PCDH15: variants seen among roughly 807,000 people sequenced by gnomAD.
PCDH15 encodes the protein protocadherin-15.
Under a neutral mutation model 178.5 loss-of-function variants are expected in PCDH15, and 129 were observed. The ratio of observed to expected loss-of-function variants is 0.72; its 90% CI spans 0.63 to 0.84. The LOEUF (loss-of-function observed/expected upper bound fraction) is 0.84, where lower values mean the gene tolerates loss of function less well. PCDH15 is among the 40% of genes least tolerant of loss of function. The pLI is 0.00. For synonymous variants in PCDH15, 800 were observed against 732.0 expected (o/e 1.09, Z -1.50); for missense variants, 2,230 against 2,099.9 (o/e 1.06, Z -1.21).
chr10:55,233,589 A>C (rs945647298), intron 1 of PCDH15, among the ~76,000 whole-genome samples: 1 of 152,030 alleles, frequency 6.6e-6, no homozygotes, highest in Non-Finnish European at 1.5e-5. Context: ...CAAATATTTG[A>C]GTAAACTTTA....
At chr10:55,575,351 T>C (rs1842476757) in intron 2 of PCDH15, among the ~76,000 whole-genome samples, 1 of 152,128 alleles carries the variant, frequency 6.6e-6, no homozygotes, top group Non-Finnish European at 1.5e-5. Context: ...ACCGTGCAGA[T>C]TCAGTTATTG....
chr10:55,586,658 A>G (rs1306408706), intron 2 of PCDH15, among the ~76,000 whole-genome samples: 1 of 152,108 alleles, frequency 6.6e-6, no homozygotes, highest in Admixed American at 6.6e-5. Flanking sequence ...TAAGTTCATT[A>G]CTCTCATTTA....
At chr10:55,219,800 G>A (rs1266824628) in intron 1 of PCDH15, among the ~76,000 whole-genome samples, 3 of 150,516 alleles carry the variant, frequency 2.0e-5, no homozygotes, top group Non-Finnish European at 4.4e-5. Flanking sequence ...GGAAAAATAA[G>A]GAGCTGAAGA....
intron 1 of PCDH15, among the ~76,000 whole-genome samples, chr10:54,731,545 G>T (rs11004511): frequency 0.59 from 45,133 of 75,858 alleles, 13,706 homozygotes; most frequent in Non-Finnish European, 0.63. Flanking sequence ...ATGTGAGATA[G>T]ATATATATAT....
intron 3 of PCDH15, among the ~76,000 whole-genome samples, chr10:54,469,093 A>G (rs1048660564): frequency 7.2e-5 from 11 of 151,882 alleles, no homozygotes; most frequent in Admixed American, 2.0e-4. Context: ...AATTTTTAAA[A>G]TTCATGTCTT....
chr10:54,251,285 T>G (rs1400982644), intron 8 of PCDH15, among the ~76,000 whole-genome samples: 1 of 152,228 alleles, frequency 6.6e-6, no homozygotes, highest in Admixed American at 6.5e-5. Context: ...TGTCTGTGCT[T>G]TAACTGTGAT....
intron 26 of PCDH15, among the ~76,000 whole-genome samples, chr10:53,899,078 A>G (rs1206277172): frequency 6.6e-6 from 1 of 151,572 alleles, no homozygotes; most frequent in Non-Finnish European, 1.5e-5. Context: ...AACTGAAACT[A>G]AATTAGGTAT....
chr10:54,984,887 T>A (rs978173838), intron 2 of PCDH15, among the ~76,000 whole-genome samples: 3 of 152,226 alleles, frequency 2.0e-5, no homozygotes, highest in African/African-American at 7.2e-5. Context: ...GGTCTCCCAG[T>A]CCTTCAGTCT....
intron 5 of PCDH15, among the ~76,000 whole-genome samples, chr10:54,353,879 G>A (rs1256295213): frequency 6.6e-6 from 1 of 152,056 alleles, no homozygotes; most frequent in African/African-American, 2.4e-5. Flanking sequence ...AATAAAAAAA[G>A]AATTATTACT....
At chr10:54,196,665 C>T (rs2049699453) in intron 10 of PCDH15, among the ~76,000 whole-genome samples, 1 of 150,214 alleles carries the variant, frequency 6.7e-6, no homozygotes, top group Non-Finnish European at 1.5e-5. Context: ...TGCTGTTGTA[C>T]CCCCCAAATT....
chr10:54,515,116 AGACAGTGGGTGCAG>A (rs2082077236), intron 3 of PCDH15, among the ~76,000 whole-genome samples: 1 of 152,204 alleles, frequency 6.6e-6, no homozygotes, highest in African/African-American at 2.4e-5. Flanking sequence ...AGGGAGTGCC[AGACAGTGGGTGCAG>A]GACAGTGGGT....
intron 13 of PCDH15, among the ~76,000 whole-genome samples, chr10:54,178,188 G>T (rs928695667): frequency 1.3e-5 from 2 of 152,056 alleles, no homozygotes; most frequent in Admixed American, 1.3e-4. Context: ...AAGGACTTTT[G>T]ACTTTGACAT....
intron 32 of PCDH15, chr10:53,821,937 G>C (rs770200273): frequency 1.2e-6 from 2 of 1,613,614 alleles, no homozygotes; most frequent in Admixed American, 3.3e-5. Flanking sequence ...GTTTTGTTCA[G>C]ATGTGATTTC....
rs192109992 is a variant in PCDH15, at chr10:55,111,582, G to A, written c.-80+54994C>T. ...CTTTTTGACGGGTGCAGTGGCTCAC[G>A]CCTGTAATCCCAGCAGTTTGGGAGG... On this transcript the variant is annotated intron_variant, in intron 2 of 5. Transcript: ENST00000458638. Among the ~76,000 whole-genome samples, 383 of 152,114 alleles carry A rather than the reference G, an allele frequency of 2.5e-3. 1 individual carries two copies. Among genetic ancestry groups the A allele is most frequent in the African/African-American group, 8.6e-3 (358 of 41,498 alleles).
chr10:54,908,623 C>A (rs903994840), intron 2 of PCDH15, among the ~76,000 whole-genome samples: 1 of 152,194 alleles, frequency 6.6e-6, no homozygotes, highest in African/African-American at 2.4e-5. Context: ...TCTTGTCCTG[C>A]ATCCAGGAAG....
chr10:55,251,735 A>T (rs1841842888), intron 1 of PCDH15, among the ~76,000 whole-genome samples: 1 of 152,082 alleles, frequency 6.6e-6, no homozygotes, highest in South Asian at 2.1e-4. Context: ...ACTCTGATTA[A>T]TTTTTTTTAA....
At chr10:54,004,804 T>C (rs2092323580) in intron 20 of PCDH15, among the ~76,000 whole-genome samples, 1 of 151,470 alleles carries the variant, frequency 6.6e-6, no homozygotes, top group Non-Finnish European at 1.5e-5. Context: ...GAAAAAAAAT[T>C]CTAAACTGTG....
intron 23 of PCDH15, among the ~76,000 whole-genome samples, chr10:53,952,482 T>C (rs1029739970): frequency 1.8e-4 from 27 of 152,096 alleles, no homozygotes; most frequent in African/African-American, 6.0e-4. Flanking sequence ...CTGGGGTTTT[T>C]ATGGGCTTCA....
intron 1 of PCDH15, among the ~76,000 whole-genome samples, chr10:55,309,733 C>T (rs1465094823): frequency 3.9e-5 from 6 of 152,128 alleles, no homozygotes; most frequent in African/African-American, 2.4e-5. Context: ...TGTTTCCCAA[C>T]AAATTCTGTG....
Sources: allele counts gnomAD v4.1 joint callset (sites outside exome capture counted in the v4.1 genomes callset), GRCh38; gene constraint gnomAD v4.1.1; transcripts MANE v1.5; gene names NCBI Gene and HGNC (gene_info 2026-07-23, HGNC 2026-07-21).